Variants in MZF1 observed in about 807,000 individuals in gnomAD.
The protein encoded by MZF1 is myeloid zinc finger 1.
In MZF1, 24 loss-of-function variants were observed where a neutral mutation model predicts 28.6. The ratio of observed to expected loss-of-function variants is 0.84; its 90% CI spans 0.61 to 1.18. The LOEUF is 1.18. MZF1 is among the 50% of genes most tolerant of loss of function. MZF1 has a pLI of 0.00. For missense variants in MZF1, 1,166 were observed against 1,026.4 expected (o/e 1.14, Z -1.86); for synonymous variants, 516 against 432.5 (o/e 1.19, Z -2.40).
At position 58,562,659 on chromosome 19, in the gene MZF1, G is replaced by C. The variant is rs1286886180; in HGVS notation, c.1618C>G (p.Pro540Ala). 1.3e-6 allele frequency: 2 copies of C among 1,545,388 alleles called. No individual in the cohort carries two copies. The highest frequency in any genetic ancestry group is 2.7e-5 in the African/African-American group (2 of 73,382). Residue 540 changes from proline to alanine, a missense_variant, in exon 6 of 6, where the codon CCC becomes GCC. Transcript: ENST00000215057. Reference sequence around the variant, plus strand: ...TGGCCGCACTCGGCACAGGCGAAGGGCCGCTCGCCACTGTGCACGCGCCGG... The same window carrying C: ...TGGCCGCACTCGGCACAGGCGAAGGCCCGCTCGCCACTGTGCACGCGCCGG... Reference protein sequence around the residue: ...QHRRVHSGERPFACAECGQSF... With the variant: ...QHRRVHSGERAFACAECGQSF...
chr19:58,570,218 G>T, intron 3 of MZF1, 126 bp downstream of exon 3: 1 of 1,040,404 alleles, frequency 9.6e-7, no homozygotes, highest in South Asian at 1.6e-5. Flanking sequence ...TGTGGGGGCT[G>T]CTGGCAGATG....
At chr19:58,569,654 G>T in intron 3 of MZF1, 68 bp from the exon 4 acceptor site, 1 of 1,352,196 alleles carries the variant, frequency 7.4e-7, no homozygotes, top group Non-Finnish European at 1.0e-6. Context: ...TTAGTGGTGT[G>T]CCAGGTGCTG....
chr19:58,563,345 A>C lies in MZF1; in HGVS notation c.932T>G (p.Leu311Arg), dbSNP rs146379468. The stretch of plus-strand genomic sequence containing the variant: ...GTCCGTGGGGTCCTGTTCACTCCTC[A>C]GATCGCTGGGGAGCAGAAGCGCATG... ...FAHALLLPSD[L>R]RSEQDPTDED... Residue 311 changes from leucine (L) to arginine (R), a missense_variant, in exon 6 of 6, where the codon CTG (leucine) becomes CGG (arginine). By Grantham distance (102) the Leu-to-Arg change is moderately radical. Coordinates refer to ENST00000215057, the MANE Select transcript of MZF1 (RefSeq NM_198055.2). The C allele has an allele frequency of 1.3e-4, 210 of 1,608,620 alleles. No individual in the cohort carries two copies. The African/African-American group carries it at 2.6e-3, about 20-fold the overall frequency.
intron 5 of MZF1, among the ~76,000 whole-genome samples, chr19:58,566,460 A>G (rs1316159568): frequency 6.6e-6 from 1 of 152,052 alleles, no homozygotes; most frequent in East Asian, 1.9e-4. Context: ...AAGAAAAAAA[A>G]AAGGGAATGA....
At chr19:58,564,917 T>G (rs943504444) in intron 5 of MZF1, among the ~76,000 whole-genome samples, 8 of 120,952 alleles carry the variant, frequency 6.6e-5, no homozygotes, top group African/African-American at 1.4e-4. Context: ...TTTTTTTTTT[T>G]TTTTTTTTTT....
chr19:58,569,026 A>G, intron 5 of MZF1: 2 of 424,308 alleles, frequency 4.7e-6, no homozygotes, highest in East Asian at 8.6e-5. Flanking sequence ...CCCTGCTTGC[A>G]AAAGGTTTTA....
chr19:58,571,504 G>A (rs1235244035), intron 1 of MZF1, 75 bp from the exon 2 acceptor site: 12 of 1,344,368 alleles, frequency 8.9e-6, no homozygotes, highest in Non-Finnish European at 1.0e-5. Context: ...ATGCTGTACC[G>A]TTTGATCCTC....
Position 58,571,035 on chromosome 19 carries a change from C to G in MZF1, c.355G>C (p.Val119Leu). The change falls in exon 2 of 6, where the codon GTA (valine) becomes CTA (leucine). Residue 119 changes from valine (V) to leucine (L), a missense_variant. Physicochemically the swap from Val to Leu is conservative, Grantham distance 32. Coordinates refer to ENST00000215057, the MANE Select transcript of MZF1 (RefSeq NM_198055.2). Reference protein sequence around the residue: ...PGSPEEAAALVDGLRREPGGP... With the variant: ...PGSPEEAAALLDGLRREPGGP... ...CCCGGCTCCCGGCGCAGCCCATCTA[C>G]TAGGGCAGCAGCCTCCTCGGGGCTG... 6.2e-7 allele frequency: 1 copy of G among 1,612,652 alleles called. No homozygotes were observed. The highest frequency in any genetic ancestry group is 8.5e-7 in the Non-Finnish European group (1 of 1,179,480).
In MZF1 at chr19:58,562,107, G is replaced by A; in HGVS notation, c.2170C>T (p.Leu724Phe). Reference sequence around the variant, plus strand: ...CTGTGGACGCGCTGGTGCTGAATGAGCTTGGTGCTCTGGTGGAAGCGGCGG... The same window carrying A: ...CTGTGGACGCGCTGGTGCTGAATGAACTTGGTGCTCTGGTGGAAGCGGCGG... ...CGRRFHQSTK[L>F]IQHQRVHSAE Residue 724 changes from leucine to phenylalanine, a missense_variant, in exon 6 of 6, where the codon CTC (leucine) becomes TTC (phenylalanine). Physicochemically the swap from Leu to Phe is conservative, Grantham distance 22. Coordinates refer to ENST00000215057, the MANE Select transcript of MZF1 (RefSeq NM_198055.2). 3 of 1,584,748 alleles carry A rather than the reference G, an allele frequency of 1.9e-6. No individual in the cohort carries two copies. The South Asian group carries it at 3.4e-5, about 18-fold the overall frequency.
Position 58,569,293 on chromosome 19 carries a change from C to A in MZF1, c.756G>T (p.Gly252=), listed in dbSNP as rs751698589. Residue 252 remains glycine, a synonymous_variant, in exon 5 of 6, where the codon GGG becomes GGT. Transcript: ENST00000215057. ...CTCACTTACCTGGGGAGAAGATGCC[C>A]CCAGCTTCCTCATGCCACAGGGCCC... The part of the protein sequence containing the change: ...HPRALWHEEA[G]GIFSPGFALQ... The A allele has an allele frequency of 5.6e-6, 9 of 1,606,464 alleles. No homozygotes were observed. The highest frequency in any genetic ancestry group is 7.6e-6 in the Non-Finnish European group (9 of 1,176,722).
chr19:58,562,028 G>A lies in MZF1; in HGVS notation c.*44C>T. 1 of 1,523,568 alleles carries A rather than the reference G, an allele frequency of 6.6e-7. No homozygotes were observed. The highest frequency in any genetic ancestry group is 8.8e-7 in the Non-Finnish European group (1 of 1,131,542). 94.4% of individuals were successfully genotyped at this position (1,523,568 alleles called of 1,614,324 possible). Reference sequence around the variant, plus strand: ...GCCAGCCTCACAATAACCAGGGGAGGTAGGTGTTCTGACCATGGCGGACAC... The same window carrying A: ...GCCAGCCTCACAATAACCAGGGGAGATAGGTGTTCTGACCATGGCGGACAC... On this transcript the variant is annotated 3_prime_UTR_variant, in exon 6 of 6. Transcript: ENST00000215057.
At chr19:58,568,514 A>G (rs921715357) in intron 5 of MZF1, 10 of 152,224 alleles carry the variant, frequency 6.6e-5, no homozygotes, top group African/African-American at 2.4e-4. Context: ...CAAACTGAAA[A>G]AGCTCACCAA....
intron 5 of MZF1, among the ~76,000 whole-genome samples, chr19:58,567,164 TC>T (rs2054074093): frequency 6.6e-6 from 1 of 152,204 alleles, no homozygotes. Context: ...TGCCTCCGCC[TC>T]CCAAAGTGCT....
intron 1 of MZF1, 75 bp from the exon 2 acceptor site, chr19:58,571,504 G>C: frequency 7.4e-7 from 1 of 1,344,368 alleles, no homozygotes; most frequent in East Asian, 2.4e-5. Flanking sequence ...ATGCTGTACC[G>C]TTTGATCCTC....
In MZF1 at chr19:58,563,021, T is replaced by G. The variant is rs745385505; in HGVS notation, c.1256A>C (p.Gln419Pro). 4.4e-6 allele frequency: 7 copies of G among 1,602,136 alleles called. No individual in the cohort carries two copies. The Admixed American group carries it at 1.0e-4, about 23-fold the overall frequency. Reference sequence around the variant, plus strand: ...CAGGCGCGCGCTGCGCACGAAGCCCTGGCCACAGTCGCCGCACACGAACGG... The same window carrying G: ...CAGGCGCGCGCTGCGCACGAAGCCCGGGCCACAGTCGCCGCACACGAACGG... ...ERPFVCGDCGQGFVRSARLEE... is the reference protein window; with the variant it reads ...ERPFVCGDCGPGFVRSARLEE... The change falls in exon 6 of 6, where the codon CAG becomes CCG. Residue 419 changes from glutamine to proline, a missense_variant. Gln to Pro is a moderately conservative substitution (Grantham distance 76). Transcript: ENST00000215057.
At chr19:58,564,900 GTGTTTTTTTTTTTTT>G (rs2054012005) in intron 5 of MZF1, among the ~76,000 whole-genome samples, 1 of 69,354 alleles carries the variant, frequency 1.4e-5, no homozygotes, top group African/African-American at 7.2e-5. Context: ...ATCCATGTGT[GTGTTTTTTTTTTTTT>G]TTTTTTTTTT....
At chr19:58,572,678 G>A (rs966887091) in intron 1 of MZF1, 21 of 1,252,246 alleles carry the variant, frequency 1.7e-5, no homozygotes, top group African/African-American at 4.6e-5. Context: ...CATCCTGGGG[G>A]CCAAGCCTCC....
At position 58,562,975 on chromosome 19, in the gene MZF1, G is replaced by A; in HGVS notation, c.1302C>T (p.His434=). 6.2e-7 allele frequency: 1 copy of A among 1,602,028 alleles called. No individual in the cohort carries two copies. Among genetic ancestry groups the A allele is most frequent in the Non-Finnish European group, 8.5e-7 (1 of 1,179,594 alleles). The change falls in exon 6 of 6, where the codon CAC becomes CAT. Residue 434 remains histidine (H), a synonymous_variant. Coordinates refer to ENST00000215057, the MANE Select transcript of MZF1 (RefSeq NM_198055.2). The part of the protein sequence containing the change: ...SARLEEHRRV[H]TGEQPFRCAE... Reference sequence around the variant, plus strand: ...CGCAACGGAAAGGCTGTTCGCCCGTGTGCACTCTCCGATGCTCTTCCAGGC... The same window carrying A: ...CGCAACGGAAAGGCTGTTCGCCCGTATGCACTCTCCGATGCTCTTCCAGGC...
At position 58,562,224 on chromosome 19, in the gene MZF1, CAG is replaced by C. The variant is rs747634658; in HGVS notation, c.2051_2052del (p.Pro684ArgfsTer72). The C allele has an allele frequency of 5.0e-6, 8 of 1,608,520 alleles. No individual in the cohort carries two copies. In the Admixed American group the frequency reaches 5.0e-5, roughly 10 times the overall value. ...CGCTGGCGGAAGGCCTTGCCACACTCAGGGCATGCGTAGGGCCGTTCACCCGT... is the reference window on the plus strand; with the variant it reads ...CGCTGGCGGAAGGCCTTGCCACACTCGGCATGCGTAGGGCCGTTCACCCGT... ...IHTGERPYACPECGKAFRQRP... is the reference protein window; with the variant it reads ...IHTGERPYACXECGKAFRQRP... On this transcript the variant is annotated frameshift_variant, in exon 6 of 6. Coordinates refer to ENST00000215057, the MANE Select transcript of MZF1 (RefSeq NM_198055.2). LOFTEE classifies it low-confidence loss of function (END_TRUNC).
Sources: allele counts gnomAD v4.1 joint callset (sites outside exome capture counted in the v4.1 genomes callset), GRCh38; gene constraint gnomAD v4.1.1; transcripts MANE v1.5; gene names NCBI Gene and HGNC (gene_info 2026-07-23, HGNC 2026-07-21).